BLTP3B: variants seen among roughly 807,000 people sequenced by gnomAD.
BLTP3B encodes UHRF1 (ICBP90) binding protein 1-like.
chr12:100,057,119 T>C, the BLTP3B span, among the ~76,000 whole-genome samples: 4 of 152,224 alleles, frequency 2.6e-5, no homozygotes, highest in Admixed American at 2.6e-4. Flanking sequence ...GAATTCACCA[T>C]GCAAATTAAG....
the BLTP3B span, chr12:100,051,198 T>A: frequency 6.2e-7 from 1 of 1,608,740 alleles, no homozygotes; most frequent in African/African-American, 1.3e-5. Context: ...CCCCTGTAAT[T>A]TGTAGTTGAG....
the BLTP3B span, among the ~76,000 whole-genome samples, chr12:100,041,985 C>T: frequency 5.3e-5 from 8 of 151,928 alleles, no homozygotes; most frequent in Non-Finnish European, 7.4e-5. Flanking sequence ...AATAAAGAAT[C>T]CACAAATGAA....
At chr12:100,062,777 C>A in the BLTP3B span, among the ~76,000 whole-genome samples, 2 of 151,896 alleles carry the variant, frequency 1.3e-5, no homozygotes, top group African/African-American at 4.8e-5. Context: ...GCCCAGGCAA[C>A]AGAGTGAGAT....
the BLTP3B span, among the ~76,000 whole-genome samples, chr12:100,041,877 T>A: frequency 6.6e-6 from 1 of 151,974 alleles, no homozygotes; most frequent in Non-Finnish European, 1.5e-5. Flanking sequence ...AGAAAAAAAC[T>A]AAGGAAACAA....
the BLTP3B span, among the ~76,000 whole-genome samples, chr12:100,124,936 T>C: frequency 1.8e-5 from 1 of 56,534 alleles, no homozygotes; most frequent in East Asian, 2.2e-3. Context: ...AAAAAAAATT[T>C]TATATATATA....
At chr12:100,068,543 G>C in the BLTP3B span, among the ~76,000 whole-genome samples, 1 of 152,144 alleles carries the variant, frequency 6.6e-6, no homozygotes, top group Non-Finnish European at 1.5e-5. Context: ...ACAGTTAGAA[G>C]AGTAAACAGA....
At chr12:100,111,012 C>A in the BLTP3B span, among the ~76,000 whole-genome samples, 1 of 151,846 alleles carries the variant, frequency 6.6e-6, no homozygotes, top group Non-Finnish European at 1.5e-5. Flanking sequence ...TGGGTATGTA[C>A]AAGAATGTTC....
chr12:100,096,783 T>C, the BLTP3B span, among the ~76,000 whole-genome samples: 8 of 152,022 alleles, frequency 5.3e-5, no homozygotes, highest in African/African-American at 1.9e-4. Flanking sequence ...ATTGTCCCAC[T>C]GCACTCCAGC....
At chr12:100,048,199 A>G in the BLTP3B span, 22 of 1,575,226 alleles carry the variant, frequency 1.4e-5, no homozygotes, top group African/African-American at 4.1e-5. Flanking sequence ...ATCGGAACCT[A>G]AGGAAAATGA....
At chr12:100,077,055 A>C in the BLTP3B span, among the ~76,000 whole-genome samples, 1 of 152,194 alleles carries the variant, frequency 6.6e-6, no homozygotes, top group African/African-American at 2.4e-5. Flanking sequence ...AAATCCTAAA[A>C]TTTAAAGTCT....
chr12:100,050,999 T>C, the BLTP3B span: 2 of 1,552,318 alleles, frequency 1.3e-6, no homozygotes, highest in Non-Finnish European at 1.7e-6. Context: ...TATATGAATG[T>C]CTCAAAATAT....
At chr12:100,104,956 G>A in the BLTP3B span, among the ~76,000 whole-genome samples, 1 of 149,680 alleles carries the variant, frequency 6.7e-6, no homozygotes, top group African/African-American at 2.5e-5. Flanking sequence ...ATCTCCACAT[G>A]GAGAACTACA....
chr12:100,124,936 T>TTTTATATATATATATATATATA, the BLTP3B span, among the ~76,000 whole-genome samples: 1 of 56,544 alleles, frequency 1.8e-5, no homozygotes, highest in Non-Finnish European at 3.3e-5. Context: ...AAAAAAAATT[T>TTTTATATATATATATATATATA]TATATATATA....
the BLTP3B span, chr12:100,128,432 G>C: frequency 6.1e-6 from 3 of 490,896 alleles, no homozygotes; most frequent in South Asian, 1.5e-4. Flanking sequence ...AATTACATGA[G>C]CCTCTAGCTA....
chr12:100,142,008 T>C, the BLTP3B span, among the ~76,000 whole-genome samples: 1 of 152,094 alleles, frequency 6.6e-6, no homozygotes, highest in Middle Eastern at 3.2e-3. Context: ...ACTCTGCTTA[T>C]TTACCTAAAA....
chr12:100,083,264 T>C, the BLTP3B span: 1 of 619,144 alleles, frequency 1.6e-6, no homozygotes, highest in Non-Finnish European at 2.8e-6. Flanking sequence ...TTTGTGGACA[T>C]ACTTTATAAA....
the BLTP3B span, among the ~76,000 whole-genome samples, chr12:100,041,082 C>T: frequency 2.6e-5 from 4 of 152,082 alleles, no homozygotes; most frequent in Non-Finnish European, 5.9e-5. Flanking sequence ...GTAAACTGAA[C>T]CCAGCAACAT....
chr12:100,124,093 C>G, the BLTP3B span, among the ~76,000 whole-genome samples: 363 of 152,026 alleles, frequency 2.4e-3, 3 homozygotes, highest in African/African-American at 8.3e-3. Context: ...AGCAAGACCC[C>G]ATCTCTACGA....
the BLTP3B span, among the ~76,000 whole-genome samples, chr12:100,057,236 T>A: frequency 6.6e-6 from 1 of 152,148 alleles, no homozygotes; most frequent in Non-Finnish European, 1.5e-5. Flanking sequence ...AATTGCTGGA[T>A]CTCAGCCATA....
Sources: gnomAD v4.1 joint callset for allele counts (sites outside exome capture counted in the v4.1 genomes callset) on GRCh38, gnomAD v4.1.1 for gene constraint, MANE v1.5 for transcripts, NCBI Gene and HGNC (gene_info 2026-07-23, HGNC 2026-07-21) for gene names.